The following KALRN variants were observed in gnomAD, a reference collection of about 807,000 sequenced individuals.
KALRN encodes kalirin.
A neutral mutation model predicts 353.7 loss-of-function variants in KALRN; 70 were observed. That is an observed-to-expected ratio of 0.20 (90% CI 0.16 to 0.24). The LOEUF is 0.24. Among genes scored for constraint, KALRN ranks in the 10% least tolerant of loss-of-function variants. The pLI, the probability that KALRN is intolerant of heterozygous loss-of-function variation, is 1.00. For missense variants in KALRN, 2,791 were observed against 3,756.7 expected (o/e 0.74, Z 6.72); for synonymous variants, 1,391 against 1,434.8 (o/e 0.97, Z 0.69).
At chr3:124,314,591 A>C (rs973284997) in intron 6 of KALRN, among the ~76,000 whole-genome samples, 2 of 152,170 alleles carry the variant, frequency 1.3e-5, no homozygotes, top group African/African-American at 4.8e-5. Context: ...TGGTGCCAGC[A>C]TCTGCTTCTG....
At chr3:124,323,463 A>G (rs2079556977) in intron 6 of KALRN, among the ~76,000 whole-genome samples, 1 of 152,200 alleles carries the variant, frequency 6.6e-6, no homozygotes, top group Non-Finnish European at 1.5e-5. Context: ...AGCCCCCAAC[A>G]CAGAGCCTGG....
chr3:124,194,241 T>G (rs2150338216), intron 1 of KALRN, among the ~76,000 whole-genome samples: 1 of 152,212 alleles, frequency 6.6e-6, no homozygotes, highest in East Asian at 1.9e-4. Context: ...GCGATCGATG[T>G]GGGCTGGACT....
intron 5 of KALRN, among the ~76,000 whole-genome samples, chr3:124,271,401 A>G (rs1415716451): frequency 6.6e-6 from 1 of 152,228 alleles, no homozygotes; most frequent in Non-Finnish European, 1.5e-5. Context: ...CCATAGCTCC[A>G]GAAGTTCCCA....
intron 33 of KALRN, among the ~76,000 whole-genome samples, chr3:124,539,922 T>TGGG (rs35035103): frequency 3.0e-3 from 397 of 131,972 alleles, no homozygotes; most frequent in East Asian, 0.015. Context: ...TAATTTTTTT[T>TGGG]GGGGGGGGGG....
At chr3:124,577,308 A>G (rs1638288579) in intron 34 of KALRN, among the ~76,000 whole-genome samples, 1 of 152,182 alleles carries the variant, frequency 6.6e-6, no homozygotes, top group African/African-American at 2.4e-5. Flanking sequence ...TCAATTGGGC[A>G]AGTACAGAGG....
intron 34 of KALRN, among the ~76,000 whole-genome samples, chr3:124,602,036 AAAAAAAG>A (rs1474885993): frequency 6.6e-6 from 1 of 152,086 alleles, no homozygotes; most frequent in African/African-American, 2.4e-5. Flanking sequence ...AAAAAAAAAA[AAAAAAAG>A]AAAAGAAAAA....
At chr3:124,467,402 C>G (rs2060448319) in intron 25 of KALRN, among the ~76,000 whole-genome samples, 2 of 152,278 alleles carry the variant, frequency 1.3e-5, no homozygotes, top group South Asian at 2.1e-4. Context: ...AATGACATAT[C>G]TGTCTGCAAT....
At chr3:124,570,530 A>G (rs1185168628) in intron 34 of KALRN, among the ~76,000 whole-genome samples, 1 of 152,196 alleles carries the variant, frequency 6.6e-6, no homozygotes, top group Non-Finnish European at 1.5e-5. Flanking sequence ...GAATTACCCT[A>G]TGTTTGCAAT....
intron 12 of KALRN, among the ~76,000 whole-genome samples, chr3:124,398,185 A>G (rs1031101148): frequency 1.3e-5 from 2 of 152,232 alleles, no homozygotes; most frequent in African/African-American, 4.8e-5. Context: ...ATAGCTTTAT[A>G]AAGAGCATAC....
At chr3:124,648,556 C>T (rs935447777) in intron 37 of KALRN, among the ~76,000 whole-genome samples, 35 of 152,328 alleles carry the variant, frequency 2.3e-4, no homozygotes, top group Admixed American at 1.8e-3. Context: ...ACATTCATTT[C>T]TTCTAAGGGC....
intron 21 of KALRN, among the ~76,000 whole-genome samples, chr3:124,451,636 G>A (rs941394245): frequency 6.6e-6 from 1 of 152,156 alleles, no homozygotes; most frequent in Non-Finnish European, 1.5e-5. Context: ...GTATGGCCAC[G>A]TGTGGAAATA....
At chr3:124,634,349 C>G (rs1383659578) in intron 36 of KALRN, among the ~76,000 whole-genome samples, 3 of 152,194 alleles carry the variant, frequency 2.0e-5, no homozygotes, top group East Asian at 1.9e-4. Flanking sequence ...ACTCTAAACT[C>G]TAACTAATGG....
At chr3:124,069,539 A>G (rs1475682032) in intron 1 of KALRN, among the ~76,000 whole-genome samples, 1 of 152,210 alleles carries the variant, frequency 6.6e-6, no homozygotes, top group African/African-American at 2.4e-5. Context: ...ATGCTTAAGA[A>G]AGGCAGGCAG....
chr3:124,320,258 T>A (rs916898202), intron 6 of KALRN, among the ~76,000 whole-genome samples: 1 of 152,178 alleles, frequency 6.6e-6, no homozygotes, highest in Non-Finnish European at 1.5e-5. Flanking sequence ...AGGGCCCCTT[T>A]AGGGAAAGTG....
chr3:124,328,655 C>T (rs1424867034), intron 7 of KALRN, among the ~76,000 whole-genome samples: 1 of 152,160 alleles, frequency 6.6e-6, no homozygotes, highest in Admixed American at 6.5e-5. Flanking sequence ...ACAAAATGTA[C>T]AGAATGAAGT....
intron 51 of KALRN, among the ~76,000 whole-genome samples, chr3:124,690,802 G>C (rs1480729862): frequency 6.6e-6 from 1 of 152,178 alleles, no homozygotes; most frequent in Admixed American, 6.5e-5. Flanking sequence ...TAATCCGCCC[G>C]CCTGGGCCTC....
chr3:124,693,749 T>C, intron 51 of KALRN, 55 bp from the exon 52 acceptor site: 1 of 1,222,420 alleles, frequency 8.2e-7, no homozygotes. Context: ...AAGTCCCTTG[T>C]TCTCTTTTAG....
At chr3:124,302,403 C>G (rs760305378) in intron 6 of KALRN, among the ~76,000 whole-genome samples, 94 of 152,198 alleles carry the variant, frequency 6.2e-4, no homozygotes, top group Non-Finnish European at 2.4e-4. Flanking sequence ...TTTCAATCAA[C>G]CATCTGCATT....
chr3:124,648,925 C>G (rs563981182), intron 37 of KALRN, among the ~76,000 whole-genome samples: 12 of 152,330 alleles, frequency 7.9e-5, no homozygotes, highest in Non-Finnish European at 1.5e-4. Context: ...CCCTTCTTGA[C>G]CTTTCCATAT....
Sources: allele counts gnomAD v4.1 joint callset (sites outside exome capture counted in the v4.1 genomes callset), GRCh38; gene constraint gnomAD v4.1.1; transcripts MANE v1.5; gene names NCBI Gene and HGNC (gene_info 2026-07-23, HGNC 2026-07-21).